ENOX1: variants seen among roughly 807,000 people sequenced by gnomAD.
ENOX1 encodes the protein ecto-NOX disulfide-thiol exchanger 1.
In ENOX1, 42 loss-of-function variants were observed where a neutral mutation model predicts 82.5. The observed-to-expected ratio is 0.51, with a 90% CI of 0.40 to 0.66. The LOEUF is 0.66. ENOX1 is among the 30% of genes least tolerant of loss of function. ENOX1 has a pLI of 0.00. For missense variants in ENOX1, 608 were observed against 811.6 expected, an observed-to-expected ratio of 0.75 and a Z score of 3.05; for synonymous variants, 271 against 282.2, an observed-to-expected ratio of 0.96 and a Z score of 0.40.
intron 12 of ENOX1, among the ~76,000 whole-genome samples, chr13:43,273,248 T>C (rs17641512): frequency 0.16 from 25,082 of 152,074 alleles, 2,734 homozygotes; most frequent in East Asian, 0.6. Flanking sequence ...TGCCGGTTCC[T>C]TGACCTTTTC....
chr13:43,758,533 A>G (rs986317940), intron 1 of ENOX1, among the ~76,000 whole-genome samples: 7 of 152,354 alleles, frequency 4.6e-5, no homozygotes, highest in Non-Finnish European at 8.8e-5. Flanking sequence ...TCCCTGTTGG[A>G]TGAAAGTGTC....
At chr13:43,426,172 A>G (rs1377743132) in intron 3 of ENOX1, among the ~76,000 whole-genome samples, 1 of 152,210 alleles carries the variant, frequency 6.6e-6, no homozygotes, top group African/African-American at 2.4e-5. Flanking sequence ...ATCGAATGCC[A>G]TTCCGTTATT....
At chr13:43,263,180 G>A (rs1303985677) in intron 14 of ENOX1, among the ~76,000 whole-genome samples, 1 of 152,216 alleles carries the variant, frequency 6.6e-6, no homozygotes, top group African/African-American at 2.4e-5. Flanking sequence ...AAAAGAGGGT[G>A]AGTAAGTAAT....
At chr13:43,423,839 T>C (rs934837359) in intron 3 of ENOX1, among the ~76,000 whole-genome samples, 1 of 152,226 alleles carries the variant, frequency 6.6e-6, no homozygotes, top group Non-Finnish European at 1.5e-5. Context: ...AAATTTTTTC[T>C]GTGTTTGCAC....
intron 2 of ENOX1, among the ~76,000 whole-genome samples, chr13:43,554,497 G>A (rs2079348030): frequency 6.6e-6 from 1 of 152,158 alleles, no homozygotes; most frequent in Admixed American, 6.5e-5. Context: ...GTTCCAAAAT[G>A]AGAAAAGTGG....
intron 2 of ENOX1, among the ~76,000 whole-genome samples, chr13:43,491,913 C>G (rs1233429686): frequency 6.6e-6 from 1 of 152,168 alleles, no homozygotes; most frequent in African/African-American, 2.4e-5. Context: ...TCTGTTCCCA[C>G]CATCCTCTGT....
intron 16 of ENOX1, among the ~76,000 whole-genome samples, chr13:43,218,866 G>T (rs901322562): frequency 2.0e-5 from 3 of 152,106 alleles, no homozygotes; most frequent in East Asian, 3.8e-4. Flanking sequence ...TATGGCCAAA[G>T]AATTTTTACT....
At chr13:43,612,551 C>T (rs2172927) in intron 2 of ENOX1, among the ~76,000 whole-genome samples, 146,939 of 152,238 alleles carry the variant, frequency 0.97, 71,128 homozygotes, top group East Asian at 1. Context: ...TTCAGGGTAC[C>T]TTCCAAAAGC....
intron 11 of ENOX1, chr13:43,321,081 C>A (rs1205307714): frequency 2.2e-6 from 1 of 456,116 alleles, no homozygotes; most frequent in African/African-American, 2.0e-5. Flanking sequence ...GGCATGGTGC[C>A]TACTTGTATG....
intron 3 of ENOX1, among the ~76,000 whole-genome samples, chr13:43,432,843 A>G (rs910189377): frequency 2.0e-5 from 3 of 152,028 alleles, no homozygotes; most frequent in Non-Finnish European, 4.4e-5. Context: ...GGATTCAGAC[A>G]CTATTACCTC....
chr13:43,638,563 A>C lies in ENOX1; in HGVS notation c.-219+28916T>G, dbSNP rs137865657. Among the ~76,000 whole-genome samples the C allele has an allele frequency of 2.7e-3, 412 of 152,368 alleles. 1 individual carries two copies. The highest frequency in any genetic ancestry group is 4.7e-3 in the Non-Finnish European group (319 of 68,036). ...CAAAAAGTTTAAATCTGTGCAGTGC[A>C]TAGTAAAAGGTAACAGAACCAAACA... is the stretch of plus-strand genomic sequence containing the variant. On this transcript the variant is annotated intron_variant, in intron 2 of 16. Coordinates refer to ENST00000690772, the MANE Select transcript of ENOX1 (RefSeq NM_001347969.2).
intron 3 of ENOX1, among the ~76,000 whole-genome samples, chr13:43,434,763 A>C (rs1022397834): frequency 2.6e-5 from 4 of 152,160 alleles, no homozygotes; most frequent in African/African-American, 7.2e-5. Flanking sequence ...GATGAGGCTA[A>C]AATGAGTACT....
chr13:43,320,766 A>G (rs1378575172), intron 11 of ENOX1, among the ~76,000 whole-genome samples: 1 of 151,990 alleles, frequency 6.6e-6, no homozygotes, highest in Non-Finnish European at 1.5e-5. Flanking sequence ...TTTCATGTCA[A>G]CTTGCCTCTC....
rs775475944 is a variant in ENOX1, at chr13:43,716,405, T to C, written c.-284-48861A>G. Among the ~76,000 whole-genome samples the C allele has an allele frequency of 3.9e-5, 6 of 152,236 alleles. No individual in the cohort carries two copies. In the South Asian group the frequency reaches 1.0e-3, roughly 26 times the overall value. On this transcript the variant is annotated intron_variant, in intron 1 of 16. Transcript: ENST00000690772. ...CAGATGGAAATGCAGAAATCGCCCA[T>C]CTTCTGCGTCGCTCATGCTGGGAGC...
chr13:43,418,849 T>C (rs1357870061), intron 3 of ENOX1, among the ~76,000 whole-genome samples: 1 of 152,258 alleles, frequency 6.6e-6, no homozygotes, highest in Admixed American at 6.5e-5. Flanking sequence ...ATGTTCAGTA[T>C]TTCATTGGGC....
intron 2 of ENOX1, among the ~76,000 whole-genome samples, chr13:43,603,245 G>A (rs2081808549): frequency 6.6e-6 from 1 of 151,824 alleles, no homozygotes; most frequent in Non-Finnish European, 1.5e-5. Flanking sequence ...ATATTGTCAT[G>A]CTTTTCCCCA....
intron 3 of ENOX1, among the ~76,000 whole-genome samples, chr13:43,418,587 T>A (rs1477909891): frequency 6.6e-6 from 1 of 152,220 alleles, no homozygotes; most frequent in Non-Finnish European, 1.5e-5. Flanking sequence ...TATAAATATT[T>A]TCTCTCTAGG....
At chr13:43,445,177 A>G (rs1339555943) in intron 3 of ENOX1, among the ~76,000 whole-genome samples, 4 of 144,232 alleles carry the variant, frequency 2.8e-5, no homozygotes, top group East Asian at 4.0e-4. Context: ...AGGCTGGGGC[A>G]CAGTGGCACG....
At chr13:43,662,495 C>A (rs2084783595) in intron 2 of ENOX1, among the ~76,000 whole-genome samples, 1 of 152,182 alleles carries the variant, frequency 6.6e-6, no homozygotes, top group South Asian at 2.1e-4. Context: ...AACCTTTGGG[C>A]AGTTTAACTG....
Sources: gnomAD v4.1 joint callset for allele counts (sites outside exome capture counted in the v4.1 genomes callset) on GRCh38, gnomAD v4.1.1 for gene constraint, MANE v1.5 for transcripts, NCBI Gene and HGNC (gene_info 2026-07-23, HGNC 2026-07-21) for gene names.